GRM1: variants seen among roughly 807,000 people sequenced by gnomAD.
GRM1 encodes the protein glutamate metabotropic receptor 1.
In GRM1, 33 loss-of-function variants were observed where a neutral mutation model predicts 90.9. That is an observed-to-expected ratio of 0.36 (90% CI 0.28 to 0.49). GRM1 has a LOEUF of 0.49. GRM1 is among the 20% of genes least tolerant of loss of function. The pLI is 0.99. For synonymous variants in GRM1, 700 were observed against 613.2 expected (o/e 1.14, Z -2.09); for missense variants, 1,190 against 1,534.3 (o/e 0.78, Z 3.75).
At chr6:146,255,262 A>G (rs944960392) in intron 2 of GRM1, among the ~76,000 whole-genome samples, 3 of 152,160 alleles carry the variant, frequency 2.0e-5, no homozygotes. Flanking sequence ...TAGAGGTTTG[A>G]GGCTTGAATT....
intron 7 of GRM1, among the ~76,000 whole-genome samples, chr6:146,432,519 T>G (rs1778451480): frequency 6.6e-6 from 1 of 152,212 alleles, no homozygotes; most frequent in Admixed American, 6.5e-5. Context: ...CTACATTTTT[T>G]CCAAACAAAA....
chr6:146,076,493 A>G (rs887364694), intron 1 of GRM1, among the ~76,000 whole-genome samples: 3 of 152,158 alleles, frequency 2.0e-5, no homozygotes, highest in Non-Finnish European at 4.4e-5. Flanking sequence ...TTCTGGGTAG[A>G]TTTTGAAGAT....
intron 7 of GRM1, among the ~76,000 whole-genome samples, chr6:146,430,849 G>A (rs1773530618): frequency 6.6e-6 from 1 of 152,088 alleles, no homozygotes; most frequent in Admixed American, 6.6e-5. Context: ...AAGCTTCCCA[G>A]AATTTAGTTA....
chr6:146,343,693 G>A (rs1038940372), intron 3 of GRM1, among the ~76,000 whole-genome samples: 12 of 135,910 alleles, frequency 8.8e-5, no homozygotes, highest in Non-Finnish European at 1.5e-4. Context: ...TTGAGATGGA[G>A]TCTTTCTCTG....
At chr6:146,299,475 G>A (rs1157603291) in intron 2 of GRM1, among the ~76,000 whole-genome samples, 7 of 152,222 alleles carry the variant, frequency 4.6e-5, no homozygotes, top group Non-Finnish European at 8.8e-5. Context: ...GGCAGGCCCA[G>A]AGTGGTATTT....
chr6:146,114,337 C>A lies in GRM1; in HGVS notation c.701-45011C>A, dbSNP rs138660072. Among the ~76,000 whole-genome samples the A allele has an allele frequency of 1.8e-3, 267 of 152,126 alleles. 1 individual carries two copies. The highest frequency in any genetic ancestry group is 6.1e-3 in the African/African-American group (254 of 41,496). ...GTATATTGATGATATTATTGCTTTTCTAATAATTGGAAATCAAACTGGGAT... is the reference window on the plus strand; with the variant it reads ...GTATATTGATGATATTATTGCTTTTATAATAATTGGAAATCAAACTGGGAT... On this transcript the variant is annotated intron_variant, in intron 1 of 7. Transcript: ENST00000282753.
At chr6:146,238,064 A>G (rs2223587) in intron 2 of GRM1, among the ~76,000 whole-genome samples, 34,199 of 152,002 alleles carry the variant, frequency 0.22, 8,005 homozygotes, top group African/African-American at 0.6. Context: ...CATTTTTTGT[A>G]TGTATTTTAT....
At chr6:146,224,959 T>C (rs1257408774) in intron 2 of GRM1, among the ~76,000 whole-genome samples, 2 of 152,132 alleles carry the variant, frequency 1.3e-5, no homozygotes, top group Non-Finnish European at 1.5e-5. Flanking sequence ...TGTGGAGACC[T>C]TCTCCCCACC....
At chr6:146,040,275 C>G (rs369836987) in intron 1 of GRM1, among the ~76,000 whole-genome samples, 3 of 151,950 alleles carry the variant, frequency 2.0e-5, no homozygotes, top group African/African-American at 2.4e-5. Context: ...GTGTTCTGTA[C>G]TAGTAGCGAT....
chr6:146,292,820 G>A (rs755586467), intron 2 of GRM1, among the ~76,000 whole-genome samples: 4 of 151,916 alleles, frequency 2.6e-5, no homozygotes, highest in African/African-American at 4.8e-5. Context: ...GTATACATAT[G>A]TTTATAGAAG....
At position 146,118,040 on chromosome 6, in the gene GRM1, A is replaced by T. The variant is rs190463805; in HGVS notation, c.701-41308A>T. On this transcript the variant is annotated intron_variant, in intron 1 of 7. Coordinates refer to ENST00000282753, the MANE Select transcript of GRM1 (RefSeq NM_001278064.2). ...ATTTTGCTGCAATGTAGTATAAAAA[A>T]TTTTTTTTCAAAAAAGATGCATGAG... 1.9e-3 allele frequency among the ~76,000 whole-genome samples: 288 copies of T among 150,404 alleles called. 1 individual carries two copies. The highest frequency in any genetic ancestry group is 6.9e-3 in the Middle Eastern group (2 of 290).
chr6:146,071,928 T>C (rs1776029470), intron 1 of GRM1, among the ~76,000 whole-genome samples: 1 of 152,122 alleles, frequency 6.6e-6, no homozygotes, highest in African/African-American at 2.4e-5. Flanking sequence ...TGGAAACAAA[T>C]TAACAGCTGA....
chr6:146,059,435 G>A (rs1174467654), intron 1 of GRM1, among the ~76,000 whole-genome samples: 4 of 152,066 alleles, frequency 2.6e-5, no homozygotes, highest in Admixed American at 6.6e-5. Context: ...AAACAGAAGT[G>A]CCGTCATTCA....
chr6:146,167,277 T>G (rs1465209278), intron 2 of GRM1, among the ~76,000 whole-genome samples: 3 of 152,188 alleles, frequency 2.0e-5, no homozygotes, highest in Non-Finnish European at 4.4e-5. Context: ...AACTTGCTTA[T>G]CCATTTACCT....
intron 6 of GRM1, among the ~76,000 whole-genome samples, chr6:146,391,309 T>C (rs1776712493): frequency 6.6e-6 from 1 of 152,064 alleles, no homozygotes; most frequent in Non-Finnish European, 1.5e-5. Context: ...TTGATTTTGC[T>C]CAGTAATTTG....
At chr6:146,085,839 G>T (rs1776524342) in intron 1 of GRM1, among the ~76,000 whole-genome samples, 2 of 152,102 alleles carry the variant, frequency 1.3e-5, no homozygotes. Flanking sequence ...TAGTTGCTTT[G>T]AGGAATTAGG....
At chr6:146,180,405 A>C (rs1279900580) in intron 2 of GRM1, among the ~76,000 whole-genome samples, 2 of 152,170 alleles carry the variant, frequency 1.3e-5, no homozygotes, top group African/African-American at 4.8e-5. Context: ...CAAGAGGAAA[A>C]GTTATCTTAA....
At chr6:146,346,315 T>A (rs1006383251) in intron 3 of GRM1, among the ~76,000 whole-genome samples, 1 of 151,840 alleles carries the variant, frequency 6.6e-6, no homozygotes, top group Non-Finnish European at 1.5e-5. Context: ...AAAGCCCAGG[T>A]GGGGTTAAGC....
At chr6:146,283,688 T>C (rs987583765) in intron 2 of GRM1, among the ~76,000 whole-genome samples, 1 of 152,224 alleles carries the variant, frequency 6.6e-6, no homozygotes, top group South Asian at 2.1e-4. Flanking sequence ...CGTCAGACTC[T>C]GTAAAATATG....
Sources: gnomAD v4.1 joint callset for allele counts (sites outside exome capture counted in the v4.1 genomes callset) on GRCh38, gnomAD v4.1.1 for gene constraint, MANE v1.5 for transcripts, NCBI Gene and HGNC (gene_info 2026-07-23, HGNC 2026-07-21) for gene names.